ZNF541: variants seen among roughly 807,000 people sequenced by gnomAD.
ZNF541 encodes the protein zinc finger protein 541.
In ZNF541, 23 loss-of-function variants were observed where a neutral mutation model predicts 123.5. The observed-to-expected ratio is 0.19, with a 90% CI of 0.13 to 0.26. ZNF541 has a LOEUF of 0.26. Ranked by LOEUF, ZNF541 falls within the 10% of genes least tolerant of loss-of-function variation. The probability of loss-of-function intolerance (pLI) is 1.00; values close to 1 mark genes in which losing one functional copy is unlikely to be tolerated. For synonymous variants in ZNF541, 751 were observed against 754.5 expected, an observed-to-expected ratio of 1.00 and a Z score of 0.08; for missense variants, 1,612 against 1,789.9, an observed-to-expected ratio of 0.90 and a Z score of 1.79.
chr19:47,555,426 G>A, intron 3 of ZNF541, 124 bp downstream of exon 3: 1 of 789,096 alleles, frequency 1.3e-6, no homozygotes, highest in South Asian at 2.1e-5. Context: ...AAAGGTGACT[G>A]TTCCCTAAGT....
chr19:47,542,102 C>T (rs1033647021), intron 5 of ZNF541, among the ~76,000 whole-genome samples: 3 of 152,102 alleles, frequency 2.0e-5, no homozygotes, highest in South Asian at 2.1e-4. Flanking sequence ...GCCTGGAAAA[C>T]GTCATGCTGA....
At chr19:47,527,147 T>C (rs1413040729) in intron 14 of ZNF541, among the ~76,000 whole-genome samples, 1 of 152,192 alleles carries the variant, frequency 6.6e-6, no homozygotes, top group Non-Finnish European at 1.5e-5. Flanking sequence ...TACAGTGCCC[T>C]GGCAGATCAG....
rs754482188 is a variant in ZNF541 at position 47,521,542 on chromosome 19, C to T, written c.3824G>A (p.Arg1275Gln). The T allele has an allele frequency of 4.3e-5, 67 of 1,551,602 alleles. No homozygotes were observed. The highest frequency in any genetic ancestry group is 5.9e-5 in the South Asian group (5 of 84,060). Residue 1275 changes from arginine to glutamine, a missense_variant, in exon 16 of 17, where the codon CGG (arginine) becomes CAG (glutamine). Transcript: ENST00000391901. The surrounding 1 kb of genome is among the most constrained non-coding windows in gnomAD (Gnocchi z 4.2). ...TGCACTTCCCAACAGCTCGGGGGTC[C>T]GCTTGGAGCCTGCATTTGGGCTGGA... ...LSSSPNAGSK[R>Q]TPELLGSAES... is the part of the protein sequence containing the mutation.
chr19:47,528,700 A>G (rs1969423416), intron 14 of ZNF541, among the ~76,000 whole-genome samples: 1 of 152,102 alleles, frequency 6.6e-6, no homozygotes, highest in African/African-American at 2.4e-5. Context: ...GGAATAGGTA[A>G]CAGAGGTTGC....
At chr19:47,538,903 G>A (rs1484323321) in intron 8 of ZNF541, among the ~76,000 whole-genome samples, 2 of 152,076 alleles carry the variant, frequency 1.3e-5, no homozygotes, top group Admixed American at 1.3e-4. Context: ...CAAGCCCTAC[G>A]AGACTGATCA....
chr19:47,559,220 A>G (rs557916111), intron 2 of ZNF541, among the ~76,000 whole-genome samples: 2 of 151,478 alleles, frequency 1.3e-5, no homozygotes, highest in Non-Finnish European at 2.9e-5. Context: ...AAAATACAAA[A>G]ACTTAGCTGG....
chr19:47,540,552 G>A (rs917749652), intron 6 of ZNF541, among the ~76,000 whole-genome samples: 6 of 151,612 alleles, frequency 4.0e-5, no homozygotes, highest in Non-Finnish European at 7.4e-5. Flanking sequence ...TGATTTTCGT[G>A]CCTCAGCCTC....
Position 47,550,993 on chromosome 19 carries a change from A to T in ZNF541, c.308-1508T>A, listed in dbSNP as rs561018676. On this transcript the variant is annotated intron_variant, in intron 3 of 16. Transcript: ENST00000391901. ...CTGTATGTTAGATGAAGGAATAATA[A>T]AAGATTTTTCTACTTTTTAGATTGA... Among the ~76,000 whole-genome samples the T allele has an allele frequency of 2.0e-4, 30 of 152,190 alleles. No homozygotes were observed. In the South Asian group the frequency reaches 5.2e-3, roughly 26 times the overall value.
At chr19:47,557,140 G>A (rs1254824362) in intron 2 of ZNF541, among the ~76,000 whole-genome samples, 1 of 152,008 alleles carries the variant, frequency 6.6e-6, no homozygotes, top group African/African-American at 2.4e-5. Flanking sequence ...TTTTAATGTG[G>A]CTCCTAGGAA....
intron 14 of ZNF541, among the ~76,000 whole-genome samples, chr19:47,527,958 C>G (rs2122909066): frequency 6.7e-6 from 1 of 149,864 alleles, no homozygotes. Context: ...CTCGGCCTCC[C>G]AAAGTGCTGG....
chr19:47,528,262 C>T (rs1051732446), intron 14 of ZNF541, among the ~76,000 whole-genome samples: 1 of 143,544 alleles, frequency 7.0e-6, no homozygotes, highest in African/African-American at 2.6e-5. Flanking sequence ...TTGCGGTGAG[C>T]CAAGATTGCG....
At chr19:47,562,411 G>A (rs540233548) in intron 2 of ZNF541, among the ~76,000 whole-genome samples, 23 of 151,894 alleles carry the variant, frequency 1.5e-4, no homozygotes, top group African/African-American at 5.3e-4. Flanking sequence ...GGGCGTGGTG[G>A]TGTGTGCCTG....
intron 8 of ZNF541, among the ~76,000 whole-genome samples, chr19:47,539,331 ACT>A (rs1218452996): frequency 7.6e-6 from 1 of 132,280 alleles, no homozygotes; most frequent in Admixed American, 8.7e-5. Flanking sequence ...ACAGAGTCTC[ACT>A]CTGTTACCCA....
rs935681304 is a variant in ZNF541 at position 47,549,170 on chromosome 19, T to C, written c.548+75A>G. The C allele has an allele frequency of 2.0e-4, 299 of 1,530,682 alleles. 1 individual carries two copies. The Admixed American group carries it at 2.6e-3, about 13-fold the overall frequency. 94.8% of individuals were successfully genotyped at this position (1,530,682 alleles called of 1,614,324 possible). A position where few individuals can be genotyped will look rare whatever the true frequency, so the allele number is the denominator to read the frequency against. ...GAGACAGCAGGTTGATCTGGGAGAA[T>C]AGGAAGAAGACCCAGGAACATGTCC... On this transcript the variant is annotated intron_variant, in intron 4 of 16. Coordinates refer to ENST00000391901, the MANE Select transcript of ZNF541 (RefSeq NM_001277075.3).
At chr19:47,551,054 A>AT (rs545565238) in intron 3 of ZNF541, among the ~76,000 whole-genome samples, 19,972 of 141,006 alleles carry the variant, frequency 0.14, 2,553 homozygotes, top group African/African-American at 0.35. Flanking sequence ...TTTTTTTTTA[A>AT]TTTTTTTTTT....
At chr19:47,548,586 C>A (rs1307254247) in intron 4 of ZNF541, among the ~76,000 whole-genome samples, 1 of 152,146 alleles carries the variant, frequency 6.6e-6, no homozygotes, top group African/African-American at 2.4e-5. Context: ...CAGACACCTA[C>A]CAGAGACTCA....
chr19:47,569,095 T>A (rs1180222905), intron 2 of ZNF541, among the ~76,000 whole-genome samples: 1 of 152,174 alleles, frequency 6.6e-6, no homozygotes, highest in Non-Finnish European at 1.5e-5. Context: ...TATGGATTTC[T>A]GGTTTCTTTT....
At position 47,521,204 on chromosome 19, in the gene ZNF541, C is replaced by A. The variant is rs746460134; in HGVS notation, c.*20G>T. The stretch of plus-strand genomic sequence containing the variant: ...GAGGGGCAGCACTGGAGGCCCCATT[C>A]GGACTTGCTGCCACGGGAGTCACCA... On this transcript the variant is annotated 3_prime_UTR_variant, in exon 17 of 17. Transcript: ENST00000391901. This position sits in a 1 kb window ranked among gnomAD's most constrained non-coding sequence, Gnocchi z 4.2. 2 of 1,548,842 alleles carry A rather than the reference C, an allele frequency of 1.3e-6. No homozygotes were observed. Among genetic ancestry groups the A allele is most frequent in the African/African-American group, 2.7e-5 (2 of 72,998 alleles).
In ZNF541 at chr19:47,545,643, C is replaced by A. The variant is rs146808728; in HGVS notation, c.886G>T (p.Gly296Trp). Residue 296 changes from glycine (G) to tryptophan (W), a missense_variant, in exon 5 of 17, where the codon GGG (glycine) becomes TGG (tryptophan). Gly to Trp is a radical substitution (Grantham distance 184). Coordinates refer to ENST00000391901, the MANE Select transcript of ZNF541 (RefSeq NM_001277075.3). The surrounding 1 kb of genome is among the most constrained non-coding windows in gnomAD (Gnocchi z 7.5). The part of the protein sequence containing the change: ...KTPSPGPAPA[G>W]ASDSEGRNTA... The stretch of plus-strand genomic sequence containing the variant: ...TTCCTCCCTTCGCTGTCTGAAGCCC[C>A]CGCCGGGGCTGGGCCAGGAGAAGGG... The A allele has an allele frequency of 0.027, 41,444 of 1,550,188 alleles. 710 individuals are homozygous for A. Among genetic ancestry groups the A allele is most frequent in the Non-Finnish European group, 0.033 (38,176 of 1,146,802 alleles).
Sources: gnomAD v4.1 joint callset for allele counts (sites outside exome capture counted in the v4.1 genomes callset) on GRCh38, gnomAD v4.1.1 for gene constraint, Gnocchi (gnomAD v3.1) non-coding constraint, MANE v1.5 for transcripts, NCBI Gene and HGNC (gene_info 2026-07-23, HGNC 2026-07-21) for gene names.